BMP6: variants seen among roughly 807,000 people sequenced by gnomAD.
The protein encoded by BMP6 is VG-1-R.
Under a neutral mutation model 54.1 loss-of-function variants are expected in BMP6, and 17 were observed. The ratio of observed to expected loss-of-function variants is 0.31; its 90% CI spans 0.22 to 0.47. BMP6 has a LOEUF of 0.47. Ranked by LOEUF, BMP6 falls within the 20% of genes least tolerant of loss-of-function variation. The probability of loss-of-function intolerance (pLI) is 1.00; values close to 1 mark genes in which losing one functional copy is unlikely to be tolerated. For synonymous variants in BMP6, 328 were observed against 291.2 expected (o/e 1.13, Z -1.28); for missense variants, 720 against 690.4 (o/e 1.04, Z -0.48).
chr6:7,874,865 AG>A (rs1484177812), intron 4 of BMP6, among the ~76,000 whole-genome samples: 10 of 152,210 alleles, frequency 6.6e-5, no homozygotes, highest in Non-Finnish European at 1.5e-4. Flanking sequence ...ATAATAATTT[AG>A]CTAGTCCGGG....
chr6:7,729,668 TG>T (rs1224286672), intron 1 of BMP6, among the ~76,000 whole-genome samples: 1 of 152,192 alleles, frequency 6.6e-6, no homozygotes, highest in Non-Finnish European at 1.5e-5. Context: ...CAGGAAACAC[TG>T]GCACAGGAGA....
intron 1 of BMP6, among the ~76,000 whole-genome samples, chr6:7,777,553 A>C (rs1270214880): frequency 6.6e-6 from 1 of 152,144 alleles, no homozygotes; most frequent in Non-Finnish European, 1.5e-5. Flanking sequence ...GGTAAGAAGG[A>C]AGTGCCATGT....
At position 7,845,173 on chromosome 6, in the gene BMP6, G is replaced by A. The variant is rs201278326; in HGVS notation, c.698G>A (p.Arg233Gln). The A allele has an allele frequency of 5.1e-5, 82 of 1,613,956 alleles. No individual in the cohort carries two copies. The highest frequency in any genetic ancestry group is 8.8e-5 in the South Asian group (8 of 91,040). Residue 233 changes from arginine (R) to glutamine (Q), a missense_variant, in exon 2 of 7, where the codon CGA (arginine) becomes CAA (glutamine). Physicochemically the swap from Arg to Gln is conservative, Grantham distance 43. Around this residue, in one of 3 missense-constraint regions of BMP6, gnomAD observed 650 missense variants for 556.3 expected, o/e 1.17. Transcript: ENST00000283147. Reference sequence around the variant, plus strand: ...GACAAGGAGTTCTCCCCTCGTCAGCGACACCACAAAGAGTTCAAGTTCAAC... The same window carrying A: ...GACAAGGAGTTCTCCCCTCGTCAGCAACACCACAAAGAGTTCAAGTTCAAC... ...EYDKEFSPRQ[R>Q]HHKEFKFNLS... is the part of the protein sequence containing the mutation.
chr6:7,814,391 A>C (rs1758491440), intron 1 of BMP6, among the ~76,000 whole-genome samples: 1 of 151,916 alleles, frequency 6.6e-6, no homozygotes, highest in Non-Finnish European at 1.5e-5. Flanking sequence ...GATGTCAAAA[A>C]CTCTTAGCTT....
At chr6:7,834,205 T>A (rs1172487132) in intron 1 of BMP6, among the ~76,000 whole-genome samples, 3,788 of 106,692 alleles carry the variant, frequency 0.036, 139 homozygotes, top group African/African-American at 0.11. Context: ...TTTTTTTTTT[T>A]AGGAAAAAAA....
At chr6:7,840,582 A>G (rs1758952939) in intron 1 of BMP6, among the ~76,000 whole-genome samples, 1 of 152,170 alleles carries the variant, frequency 6.6e-6, no homozygotes, top group Admixed American at 6.5e-5. Flanking sequence ...TGAGGCAGAA[A>G]GGAGAGAAGG....
chr6:7,861,054 C>A (rs1009736692), intron 2 of BMP6, among the ~76,000 whole-genome samples: 2 of 150,386 alleles, frequency 1.3e-5, no homozygotes, highest in Non-Finnish European at 3.0e-5. Flanking sequence ...CACTGCACTA[C>A]AGCCTAGGTG....
intron 1 of BMP6, among the ~76,000 whole-genome samples, chr6:7,795,936 G>C (rs576508393): frequency 5.6e-4 from 85 of 152,262 alleles, no homozygotes; most frequent in African/African-American, 2.0e-3. Context: ...GATGAGTTCA[G>C]TTTGACATAT....
rs146467436 is a variant in BMP6, at chr6:7,783,154, C to T, written c.664+55535C>T. On this transcript the variant is annotated intron_variant, in intron 1 of 6. Coordinates refer to ENST00000283147, the MANE Select transcript of BMP6 (RefSeq NM_001718.6). ...CTGGAGAGGATGCACAGCAAAGAAG[C>T]GTTTGTGGCATTTGTATGATTAGAG... Among the ~76,000 whole-genome samples, 769 of 152,170 alleles carry T rather than the reference C, an allele frequency of 5.1e-3. 4 individuals carry two copies. The highest frequency in any genetic ancestry group is 0.018 in the African/African-American group (731 of 41,500).
chr6:7,761,929 ACT>A (rs1388401323), intron 1 of BMP6, among the ~76,000 whole-genome samples: 1 of 151,866 alleles, frequency 6.6e-6, no homozygotes, highest in East Asian at 1.9e-4. Context: ...ACGGAGTCTG[ACT>A]CTGTTGCCCA....
chr6:7,835,068 C>T (rs1341566463), intron 1 of BMP6, among the ~76,000 whole-genome samples: 1 of 152,164 alleles, frequency 6.6e-6, no homozygotes, highest in African/African-American at 2.4e-5. Context: ...TACCAGAAGA[C>T]AATGGCATTG....
intron 1 of BMP6, among the ~76,000 whole-genome samples, chr6:7,824,275 C>T (rs155509): frequency 0.54 from 81,895 of 152,046 alleles, 23,769 homozygotes; most frequent in African/African-American, 0.75. Flanking sequence ...GACTTTCTGA[C>T]TGGCCCAGAT....
In BMP6 at chr6:7,780,405, C is replaced by T. The variant is rs182846605; in HGVS notation, c.664+52786C>T. On this transcript the variant is annotated intron_variant, in intron 1 of 6. Transcript: ENST00000283147. The stretch of plus-strand genomic sequence containing the variant: ...TCTACTGAAAATACAAAAAATTAGC[C>T]GGATGTGGTGGCTGGCCCCTGTAAT... Among the ~76,000 whole-genome samples the T allele has an allele frequency of 8.5e-5, 13 of 152,112 alleles. No homozygotes were observed. In the East Asian group the frequency reaches 1.6e-3, roughly 18 times the overall value.
Position 7,869,764 on chromosome 6 carries a change from G to A in BMP6, c.1204+7266G>A, listed in dbSNP as rs547939040. Among the ~76,000 whole-genome samples the A allele has an allele frequency of 2.0e-5, 3 of 152,298 alleles. No homozygotes were observed. The South Asian group carries it at 6.2e-4, about 32-fold the overall frequency. On this transcript the variant is annotated intron_variant, in intron 4 of 6. Coordinates refer to ENST00000283147, the MANE Select transcript of BMP6 (RefSeq NM_001718.6). Reference sequence around the variant, plus strand: ...TATCAGCAAGGAAGCTGATTGTCAGGTCCAAGGCCTAGCAACTGAGATGAG... The same window carrying A: ...TATCAGCAAGGAAGCTGATTGTCAGATCCAAGGCCTAGCAACTGAGATGAG...
intron 4 of BMP6, among the ~76,000 whole-genome samples, chr6:7,875,901 A>G (rs552953076): frequency 3.7e-4 from 57 of 152,256 alleles, no homozygotes; most frequent in Admixed American, 2.2e-3. Flanking sequence ...TGTGGTCATC[A>G]CCCTAGACAC....
chr6:7,796,411 G>A (rs1758191415), intron 1 of BMP6, among the ~76,000 whole-genome samples: 1 of 152,234 alleles, frequency 6.6e-6, no homozygotes, highest in Non-Finnish European at 1.5e-5. Flanking sequence ...TCTGTGCTTG[G>A]TAGAAGAATA....
At chr6:7,843,694 G>C (rs973717880) in intron 1 of BMP6, among the ~76,000 whole-genome samples, 2 of 152,064 alleles carry the variant, frequency 1.3e-5, no homozygotes, top group Non-Finnish European at 2.9e-5. Flanking sequence ...AGAGTCAAGG[G>C]TTTATGGTGG....
At chr6:7,744,821 C>T (rs1297405639) in intron 1 of BMP6, among the ~76,000 whole-genome samples, 3 of 152,174 alleles carry the variant, frequency 2.0e-5, no homozygotes, top group African/African-American at 7.2e-5. Context: ...CTCTGATTCT[C>T]CGGGCAGAAA....
At chr6:7,815,488 A>C (rs1758511642) in intron 1 of BMP6, among the ~76,000 whole-genome samples, 1 of 152,220 alleles carries the variant, frequency 6.6e-6, no homozygotes, top group South Asian at 2.1e-4. Flanking sequence ...TGTGCTTGGC[A>C]CATAATAAAT....
Sources: allele counts gnomAD v4.1 joint callset (sites outside exome capture counted in the v4.1 genomes callset), GRCh38; gene constraint gnomAD v4.1.1; regional missense constraint gnomAD v4.1.1; transcripts MANE v1.5; gene names NCBI Gene and HGNC (gene_info 2026-07-23, HGNC 2026-07-21).